GPC6: variants seen among roughly 807,000 people sequenced by gnomAD.
GPC6 encodes glypican 6, also known as glypican-6.
A neutral mutation model predicts 55.2 loss-of-function variants in GPC6; 14 were observed. The ratio of observed to expected loss-of-function variants is 0.25; its 90% CI spans 0.17 to 0.40. GPC6 has a LOEUF of 0.40. GPC6 is among the 10% of genes least tolerant of loss of function. The probability of loss-of-function intolerance (pLI) is 1.00; values close to 1 mark genes in which losing one functional copy is unlikely to be tolerated. For synonymous variants in GPC6, 278 were observed against 259.6 expected (o/e 1.07, Z -0.68); for missense variants, 641 against 708.5 (o/e 0.90, Z 1.08).
At position 93,238,783 on chromosome 13, in the gene GPC6, G is replaced by C. The variant is rs554779120; in HGVS notation, c.160+11167G>C. Among the ~76,000 whole-genome samples the C allele has an allele frequency of 2.1e-5, 3 of 140,072 alleles. No individual in the cohort carries two copies. In the South Asian group the frequency reaches 7.0e-4, roughly 32 times the overall value. 91.9% of individuals were successfully genotyped at this position (140,072 alleles called of 152,430 possible). On this transcript the variant is annotated intron_variant, in intron 1 of 8. Transcript: ENST00000377047. ...GCTCCTTCTATGCCTAGTTTCTTGG[G>C]GGTTTTTTATCATGAAGTGATGCTG...
At chr13:93,430,931 A>C (rs1594164559) in intron 1 of GPC6, among the ~76,000 whole-genome samples, 1 of 152,158 alleles carries the variant, frequency 6.6e-6, no homozygotes, top group Non-Finnish European at 1.5e-5. Context: ...GACTGGTTAA[A>C]GTGAATGCAA....
At chr13:93,277,598 T>A (rs1179062482) in intron 1 of GPC6, among the ~76,000 whole-genome samples, 2 of 152,184 alleles carry the variant, frequency 1.3e-5, no homozygotes, top group Non-Finnish European at 2.9e-5. Context: ...GCTCAGAGAT[T>A]TCTAGAGACT....
intron 1 of GPC6, among the ~76,000 whole-genome samples, chr13:93,295,290 CAAAAAAAAAAAA>C (rs67379652): frequency 1.5e-5 from 1 of 66,686 alleles, no homozygotes; most frequent in Non-Finnish European, 2.5e-5. Context: ...GACCCTGTCT[CAAAAAAAAAAAA>C]AAAAAAAAAA....
chr13:93,964,572 C>T (rs1879934852), intron 3 of GPC6, among the ~76,000 whole-genome samples: 2 of 152,124 alleles, frequency 1.3e-5, no homozygotes, highest in South Asian at 4.1e-4. Context: ...CACAGTAAAT[C>T]CTATTTTAAA....
chr13:94,088,241 T>C (rs757223847), intron 4 of GPC6, among the ~76,000 whole-genome samples: 2 of 152,176 alleles, frequency 1.3e-5, no homozygotes, highest in African/African-American at 2.4e-5. Flanking sequence ...TGAAAGATAA[T>C]TGACTTACAT....
chr13:93,740,042 G>A (rs934772832), intron 2 of GPC6, among the ~76,000 whole-genome samples: 2 of 152,124 alleles, frequency 1.3e-5, no homozygotes, highest in Admixed American at 6.5e-5. Flanking sequence ...AAATCATGGT[G>A]TTCCCCTTTA....
chr13:93,784,866 T>A (rs955412464), intron 2 of GPC6, among the ~76,000 whole-genome samples: 1 of 152,150 alleles, frequency 6.6e-6, no homozygotes, highest in Admixed American at 6.5e-5. Flanking sequence ...CTAAATGCTA[T>A]GGGGTTTCAG....
At chr13:93,361,555 C>G (rs988186327) in intron 1 of GPC6, among the ~76,000 whole-genome samples, 4 of 152,130 alleles carry the variant, frequency 2.6e-5, no homozygotes, top group Non-Finnish European at 5.9e-5. Flanking sequence ...TTCCTTTATT[C>G]ATTTAAAAAC....
intron 2 of GPC6, among the ~76,000 whole-genome samples, chr13:93,640,611 T>C (rs1313617278): frequency 1.3e-5 from 2 of 152,058 alleles, no homozygotes; most frequent in Admixed American, 1.3e-4. Flanking sequence ...AGGCACTATA[T>C]AGCCACTTGT....
At chr13:93,261,807 G>C (rs1374235392) in intron 1 of GPC6, among the ~76,000 whole-genome samples, 3 of 152,002 alleles carry the variant, frequency 2.0e-5, no homozygotes, top group Non-Finnish European at 4.4e-5. Context: ...GTGTCAACCT[G>C]GTATATAGTG....
intron 6 of GPC6, among the ~76,000 whole-genome samples, chr13:94,350,855 T>C (rs1878504234): frequency 6.6e-6 from 1 of 152,106 alleles, no homozygotes; most frequent in South Asian, 2.1e-4. Flanking sequence ...TGGGAATATC[T>C]GATATCTCAG....
intron 1 of GPC6, among the ~76,000 whole-genome samples, chr13:93,368,699 T>A (rs1881349495): frequency 1.3e-5 from 2 of 152,030 alleles, no homozygotes; most frequent in Admixed American, 1.3e-4. Context: ...TTCTGAAGGC[T>A]TTTCATTGTT....
chr13:94,312,414 G>A (rs1340304586), intron 6 of GPC6, among the ~76,000 whole-genome samples: 1 of 152,184 alleles, frequency 6.6e-6, no homozygotes, highest in East Asian at 1.9e-4. Context: ...TCAGTAAAAT[G>A]CTGGTGATAA....
At chr13:93,769,366 A>G (rs1885219090) in intron 2 of GPC6, among the ~76,000 whole-genome samples, 1 of 151,318 alleles carries the variant, frequency 6.6e-6, no homozygotes, top group African/African-American at 2.4e-5. Context: ...ATTTAGTCTT[A>G]TTAAATAGCT....
chr13:94,085,625 T>TA (rs1254976417), intron 4 of GPC6, among the ~76,000 whole-genome samples: 2 of 152,144 alleles, frequency 1.3e-5, no homozygotes. Flanking sequence ...TTCTTACAAA[T>TA]ACGATTATAT....
At chr13:93,448,932 T>G (rs2097726326) in intron 1 of GPC6, among the ~76,000 whole-genome samples, 1 of 152,034 alleles carries the variant, frequency 6.6e-6, no homozygotes, top group Non-Finnish European at 1.5e-5. Flanking sequence ...TTAATCTGCT[T>G]CTTTATTAAG....
chr13:94,116,293 C>T (rs1018987187), intron 4 of GPC6, among the ~76,000 whole-genome samples: 1 of 151,904 alleles, frequency 6.6e-6, no homozygotes, highest in African/African-American at 2.4e-5. Context: ...CTGGAAGTTG[C>T]GCTTGATATT....
At chr13:94,180,772 G>T (rs9524359) in intron 4 of GPC6, among the ~76,000 whole-genome samples, 38,384 of 151,900 alleles carry the variant, frequency 0.25, 4,961 homozygotes, top group Middle Eastern at 0.38. Context: ...GATTAATAGG[G>T]ACAAGTCATT....
intron 2 of GPC6, among the ~76,000 whole-genome samples, chr13:93,778,687 A>C (rs1352918222): frequency 1.3e-5 from 2 of 152,086 alleles, no homozygotes; most frequent in African/African-American, 4.8e-5. Flanking sequence ...CACCATCCTT[A>C]ATCCATTTAG....
Sources: gnomAD v4.1 joint callset for allele counts (sites outside exome capture counted in the v4.1 genomes callset) on GRCh38, gnomAD v4.1.1 for gene constraint, MANE v1.5 for transcripts, NCBI Gene and HGNC (gene_info 2026-07-23, HGNC 2026-07-21) for gene names.